CCT4: variants seen among roughly 807,000 people sequenced by gnomAD.
CCT4 encodes the protein chaperonin containing TCP1 subunit 4.
In CCT4, 17 loss-of-function variants were observed where a neutral mutation model predicts 62.5. The observed-to-expected ratio is 0.27, with a 90% CI of 0.19 to 0.41. CCT4 has a LOEUF of 0.41. CCT4 is among the 10% of genes least tolerant of loss of function. The pLI is 1.00. For synonymous variants in CCT4, 250 were observed against 229.9 expected (o/e 1.09, Z -0.79); for missense variants, 592 against 659.2 (o/e 0.90, Z 1.12).
Position 61,878,212 on chromosome 2 carries a change from T to C in CCT4, c.522+657A>G, listed in dbSNP as rs1038826103. ...ACTGATTTTTAAAAGGAAAAAGGAT[T>C]AGGGGAAGGAAGGGATAAACACAGG... On this transcript the variant is annotated intron_variant, in intron 5 of 13. Transcript: ENST00000394440. Among the ~76,000 whole-genome samples, 6 of 152,132 alleles carry C rather than the reference T, an allele frequency of 3.9e-5. 1 individual carries two copies. The highest frequency in any genetic ancestry group is 8.8e-5 in the Non-Finnish European group (6 of 68,030).
chr2:61,884,042 G>A (rs572828693), intron 2 of CCT4, among the ~76,000 whole-genome samples: 23 of 152,092 alleles, frequency 1.5e-4, no homozygotes, highest in African/African-American at 5.3e-4. Flanking sequence ...ATAATCTATA[G>A]TATCATCCAG....
Position 61,868,340 on chromosome 2 carries a change from T to C in CCT4, c.*352A>G, listed in dbSNP as rs1293296188. 4.4e-6 allele frequency: 1 copy of C among 228,716 alleles called. No homozygotes were observed. The highest frequency in any genetic ancestry group is 8.7e-6 in the Non-Finnish European group (1 of 115,394). 14.2% of individuals were successfully genotyped at this position (228,716 alleles called of 1,614,324 possible). On this transcript the variant is annotated 3_prime_UTR_variant, in exon 14 of 14. Transcript: ENST00000394440. ...TTAACTTTTAAGACAGCATATATAT[T>C]ATATGTTGGTAGTTTTTAAGGCCAG...
rs774739770 is a variant in CCT4, at chr2:61,876,206, T to G, written c.806A>C (p.Tyr269Ser). 6.2e-7 allele frequency: 1 copy of G among 1,609,674 alleles called. No individual in the cohort carries two copies. The highest frequency in any genetic ancestry group is 1.3e-5 in the African/African-American group (1 of 74,958). The change falls in exon 8 of 14, where the codon TAT becomes TCT. Residue 269 changes from tyrosine (Y) to serine (S), a missense_variant. Transcript: ENST00000394440. ...DMDNQIVVSD[Y>S]AQMDRVLREE... is the part of the protein sequence containing the mutation. The stretch of plus-strand genomic sequence containing the variant: ...TCGCAGCACTCGGTCCATCTGGGCA[T>G]AGTCAGAAACCACTATTTGATTATC...
Position 61,873,273 on chromosome 2 carries a change from G to A in CCT4, c.938C>T (p.Ala313Val). The A allele has an allele frequency of 6.5e-7, 1 of 1,543,454 alleles. No homozygotes were observed. Among genetic ancestry groups the A allele is most frequent in the Non-Finnish European group, 9.0e-7 (1 of 1,116,634 alleles). ...CTTCATTTTATTCAGAAAGTGTAAT[G>A]CAAGATCACTAAGAGCATCTCTAAA... ...SILRDALSDL[A>V]LHFLNKMKIM... is the part of the protein sequence containing the mutation. The change falls in exon 9 of 14, where the codon GCA becomes GTA. Residue 313 changes from alanine to valine, a missense_variant. Physicochemically the swap from Ala to Val is moderately conservative, Grantham distance 64. Coordinates refer to ENST00000394440, the MANE Select transcript of CCT4 (RefSeq NM_006430.4).
At chr2:61,874,345 C>T (rs1668951937) in intron 8 of CCT4, among the ~76,000 whole-genome samples, 1 of 152,052 alleles carries the variant, frequency 6.6e-6, no homozygotes, top group Non-Finnish European at 1.5e-5. Context: ...ACTGGCCAGG[C>T]ACGGTGGCTC....
Position 61,873,253 on chromosome 2 carries a change from T to A in CCT4, c.958A>T (p.Met320Leu), listed in dbSNP as rs1312084883. The change falls in exon 9 of 14, where the codon ATG becomes TTG. Residue 320 changes from methionine to leucine, a missense_variant. Physicochemically the swap from Met to Leu is conservative, Grantham distance 15 (BLOSUM62 2). This residue lies in a region of CCT4 where 522 missense variants were observed against 571.2 expected (regional missense o/e 0.91). Transcript: ENST00000394440. ...SDLALHFLNK[M>L]KIMVIKDIER... ...ATATCCTTAATCACCATGATCTTCA[T>A]TTTATTCAGAAAGTGTAATGCAAGA... 3.2e-6 allele frequency: 5 copies of A among 1,544,718 alleles called. No homozygotes were observed. The Middle Eastern group carries it at 5.1e-4, about 158-fold the overall frequency.
chr2:61,876,888 C>A, intron 7 of CCT4, 32 bp downstream of exon 7: 1 of 1,567,078 alleles, frequency 6.4e-7, no homozygotes, highest in African/African-American at 1.4e-5. Context: ...AAGTTAAACA[C>A]AGAGAACCAA....
Position 61,883,324 on chromosome 2 carries a change from G to C in CCT4, c.270+135C>G, listed in dbSNP as rs1472831888. 12 of 561,266 alleles carry C rather than the reference G, an allele frequency of 2.1e-5. No individual in the cohort carries two copies. In the African/African-American group the frequency reaches 2.2e-4, roughly 10 times the overall value. The allele number at this position is 561,266 out of a possible 1,614,324, so 34.8% of individuals were successfully genotyped here. A position where few individuals can be genotyped will look rare whatever the true frequency, so the allele number is the denominator to read the frequency against. On this transcript the variant is annotated intron_variant, in intron 3 of 13. Coordinates refer to ENST00000394440, the MANE Select transcript of CCT4 (RefSeq NM_006430.4). Reference sequence around the variant, plus strand: ...TAATCCCAGCTACTCAGGAGGCTGAGGCAGGAGAAATGAATCTGGGAGGCA... The same window carrying C: ...TAATCCCAGCTACTCAGGAGGCTGACGCAGGAGAAATGAATCTGGGAGGCA...
intron 2 of CCT4, among the ~76,000 whole-genome samples, chr2:61,884,173 T>C (rs1669184282): frequency 6.6e-6 from 1 of 152,228 alleles, no homozygotes; most frequent in Non-Finnish European, 1.5e-5. Context: ...CTTAACTACA[T>C]AATAGATATC....
intron 12 of CCT4, among the ~76,000 whole-genome samples, 153 bp from the exon 13 acceptor site, chr2:61,869,706 T>C (rs769092776): frequency 3.9e-5 from 6 of 152,138 alleles, no homozygotes; most frequent in Non-Finnish European, 5.9e-5. Context: ...TTCTCTACAC[T>C]GTGGGATGTT....
Position 61,885,076 on chromosome 2 carries a change from C to T in CCT4, c.128-4G>A, listed in dbSNP as rs1302604789. On this transcript the variant is annotated splice_region_variant and splice_polypyrimidine_tract_variant and intron_variant, in intron 1 of 13. Coordinates refer to ENST00000394440, the MANE Select transcript of CCT4 (RefSeq NM_006430.4). ...GTTCTAATAGCATCAGCAACCGCTG[C>T]AGATGGGGGGGAAAAAAAAGAAAAC... The T allele has an allele frequency of 2.0e-6, 3 of 1,505,232 alleles. No homozygotes were observed. Among genetic ancestry groups the T allele is most frequent in the Non-Finnish European group, 2.6e-6 (3 of 1,136,832 alleles). The allele number at this position is 1,505,232 out of a possible 1,614,324, so 93.2% of individuals were successfully genotyped here.
At position 61,884,493 on chromosome 2, in the gene CCT4, TAG is replaced by T. The variant is rs547583740; in HGVS notation, c.180+525_180+526del. Among the ~76,000 whole-genome samples, 39 of 151,902 alleles carry T rather than the reference TAG, an allele frequency of 2.6e-4. 1 individual carries two copies. The South Asian group carries it at 7.7e-3, about 30-fold the overall frequency. On this transcript the variant is annotated intron_variant, in intron 2 of 13. Transcript: ENST00000394440. The stretch of plus-strand genomic sequence containing the variant: ...GCCTGGCTAATTTTTGTATTTTTAG[TAG>T]AGACGGGGTTTCACCATATTGGCCA...
chr2:61,873,957 C>T (rs942872827), intron 8 of CCT4, among the ~76,000 whole-genome samples: 4 of 152,130 alleles, frequency 2.6e-5, no homozygotes, highest in African/African-American at 9.7e-5. Flanking sequence ...ACCTCGGCCC[C>T]ACAAAGTGCT....
At chr2:61,879,271 T>TTC (rs1669062847) in intron 4 of CCT4, among the ~76,000 whole-genome samples, 1 of 143,038 alleles carries the variant, frequency 7.0e-6, no homozygotes, top group South Asian at 2.3e-4. Context: ...TTTTTTTTTT[T>TTC]TTTTTTCTGA....
At chr2:61,868,861 G>A (rs1668826549) in intron 13 of CCT4, 155 bp from the exon 14 acceptor site, 4 of 612,408 alleles carry the variant, frequency 6.5e-6, no homozygotes, top group Non-Finnish European at 1.2e-5. Flanking sequence ...ACTTGGCCAG[G>A]CACGGTGGCT....
chr2:61,877,630 T>C (rs1373611897), intron 5 of CCT4, 116 bp from the exon 6 acceptor site: 7 of 720,972 alleles, frequency 9.7e-6, no homozygotes, highest in African/African-American at 1.8e-5. Context: ...GGTGTGGGTA[T>C]GAAGAGGGAA....
chr2:61,869,740 C>A (rs912040457), intron 12 of CCT4, among the ~76,000 whole-genome samples, 187 bp from the exon 13 acceptor site: 18 of 151,934 alleles, frequency 1.2e-4, no homozygotes, highest in African/African-American at 3.9e-4. Context: ...TTTGGAAAAA[C>A]TGAATTAATG....
intron 7 of CCT4, 86 bp downstream of exon 7, chr2:61,876,834 G>T: frequency 9.0e-7 from 1 of 1,117,038 alleles, no homozygotes; most frequent in Non-Finnish European, 1.3e-6. Flanking sequence ...TAAATCACTA[G>T]TAGTATTTTC....
rs55921095 is a variant in CCT4, at chr2:61,881,882, A to AT, written c.271-1489dup. ...ATCAGTATCTTTGTAAAAAAAAAAA[A>AT]TTTTTTAAAAGCCATCTTTACACAA... On this transcript the variant is annotated intron_variant, in intron 3 of 13. Coordinates refer to ENST00000394440, the MANE Select transcript of CCT4 (RefSeq NM_006430.4). Among the ~76,000 whole-genome samples the AT allele has an allele frequency of 4.1e-3, 611 of 150,694 alleles. 3 individuals carry two copies. The highest frequency in any genetic ancestry group is 0.013 in the African/African-American group (541 of 41,090).
Sources: gnomAD v4.1 joint callset for allele counts (sites outside exome capture counted in the v4.1 genomes callset) on GRCh38, gnomAD v4.1.1 for gene constraint, gnomAD v4.1.1 regional missense constraint, MANE v1.5 for transcripts, NCBI Gene and HGNC (gene_info 2026-07-23, HGNC 2026-07-21) for gene names.